Variants in SLC30A6 observed in about 807,000 individuals in gnomAD.
SLC30A6 encodes solute carrier family 30 member 6, also known as zinc transporter 6.
Under a neutral mutation model 63.0 loss-of-function variants are expected in SLC30A6, and 55 were observed. The ratio of observed to expected loss-of-function variants is 0.87; its 90% CI spans 0.70 to 1.09. The LOEUF is 1.09. SLC30A6 is among the 50% of genes least tolerant of loss of function. The pLI is 0.00. For missense variants in SLC30A6, 587 were observed against 549.2 expected (o/e 1.07, Z -0.69); for synonymous variants, 224 against 186.1 (o/e 1.20, Z -1.66).
intron 1 of SLC30A6, among the ~76,000 whole-genome samples, chr2:32,166,333 T>C (rs556330612): frequency 6.7e-6 from 1 of 149,264 alleles, no homozygotes; most frequent in South Asian, 2.1e-4. Context: ...AGTAATAGGG[T>C]TTTAGGGCAG....
intron 11 of SLC30A6, among the ~76,000 whole-genome samples, chr2:32,206,159 GT>G (rs1684750677): frequency 6.6e-6 from 1 of 151,850 alleles, no homozygotes; most frequent in African/African-American, 2.4e-5. Flanking sequence ...TAGAAAGGCA[GT>G]TTCCGGCCGG....
chr2:32,202,551 T>G (rs1262330074), intron 10 of SLC30A6: 1 of 352,144 alleles, frequency 2.8e-6, no homozygotes, highest in African/African-American at 2.1e-5. Context: ...CAGGATGGTC[T>G]CAATCTCCTG....
intron 1 of SLC30A6, among the ~76,000 whole-genome samples, chr2:32,166,318 A>G (rs1386177730): frequency 6.8e-6 from 1 of 148,060 alleles, no homozygotes; most frequent in Admixed American, 6.7e-5. Flanking sequence ...AAAAAAAAAA[A>G]GGTTAGTAAT....
intron 4 of SLC30A6, among the ~76,000 whole-genome samples, chr2:32,178,509 A>G (rs1268549513): frequency 6.6e-6 from 1 of 152,088 alleles, no homozygotes; most frequent in Non-Finnish European, 1.5e-5. Flanking sequence ...CTCCATCTCT[A>G]CTAAAATACA....
At chr2:32,202,717 ATAT>A (rs994381362) in intron 10 of SLC30A6, 2 of 686,254 alleles carry the variant, frequency 2.9e-6, no homozygotes, top group African/African-American at 1.8e-5. Flanking sequence ...CAAGTTGAAG[ATAT>A]TATTCATGAA....
intron 13 of SLC30A6, among the ~76,000 whole-genome samples, chr2:32,214,216 T>G (rs1260521851): frequency 6.6e-6 from 1 of 152,122 alleles, no homozygotes. Flanking sequence ...ATTATAGGAA[T>G]GAGGCACCAT....
chr2:32,214,526 G>GT (rs1214046959), intron 13 of SLC30A6: 1 of 151,724 alleles, frequency 6.6e-6, no homozygotes, highest in Non-Finnish European at 1.5e-5. Flanking sequence ...TCTCTGTATC[G>GT]TTCCAATTTG....
At chr2:32,208,283 A>G (rs967923518) in intron 12 of SLC30A6, among the ~76,000 whole-genome samples, 2 of 148,004 alleles carry the variant, frequency 1.4e-5, no homozygotes, top group African/African-American at 5.0e-5. Flanking sequence ...GGCTCCCACC[A>G]CCATGCCTGG....
At chr2:32,182,402 A>G (rs895575664) in intron 4 of SLC30A6, among the ~76,000 whole-genome samples, 2 of 152,328 alleles carry the variant, frequency 1.3e-5, no homozygotes, top group East Asian at 3.9e-4. Context: ...AGCACACTAT[A>G]TGAACCCTGT....
At chr2:32,171,213 C>G (rs1461595288) in intron 1 of SLC30A6, 74 bp from the exon 2 acceptor site, 3 of 1,216,932 alleles carry the variant, frequency 2.5e-6, no homozygotes, top group Non-Finnish European at 3.6e-6. Flanking sequence ...TCATAGGAAC[C>G]ACTATATCAT....
At chr2:32,168,813 C>T (rs1680914813) in intron 1 of SLC30A6, among the ~76,000 whole-genome samples, 1 of 152,098 alleles carries the variant, frequency 6.6e-6, no homozygotes, top group Non-Finnish European at 1.5e-5. Flanking sequence ...TGGAAAGAAA[C>T]AGGCTAAGTC....
At chr2:32,213,333 G>A (rs774883118) in intron 13 of SLC30A6, among the ~76,000 whole-genome samples, 17 of 123,988 alleles carry the variant, frequency 1.4e-4, no homozygotes, top group Non-Finnish European at 2.5e-4. Flanking sequence ...GGGGAGCTTT[G>A]CCTGGTTACT....
intron 10 of SLC30A6, chr2:32,203,219 C>T: frequency 1.8e-6 from 2 of 1,082,450 alleles, no homozygotes; most frequent in Non-Finnish European, 2.9e-6. Flanking sequence ...AGTCTATATC[C>T]ATCGTTCTGG....
chr2:32,181,464 G>C (rs904572097), intron 4 of SLC30A6, among the ~76,000 whole-genome samples: 42 of 151,528 alleles, frequency 2.8e-4, no homozygotes, highest in African/African-American at 9.4e-4. Flanking sequence ...CATTTTTAAG[G>C]GTAAAATTTT....
chr2:32,193,026 G>T, intron 7 of SLC30A6, 73 bp downstream of exon 7: 1 of 992,688 alleles, frequency 1.0e-6, no homozygotes, highest in Non-Finnish European at 1.5e-6. Flanking sequence ...TAAACAGTTG[G>T]CCAATGTCAG....
chr2:32,216,365 A>G (rs1002718494), intron 13 of SLC30A6, among the ~76,000 whole-genome samples: 32 of 151,884 alleles, frequency 2.1e-4, no homozygotes, highest in Admixed American at 1.2e-3. Flanking sequence ...GCGAAATCCT[A>G]TCTCTACTAA....
In SLC30A6 at chr2:32,171,417, C is replaced by T. The variant is rs761771699; in HGVS notation, c.90+44C>T. 3.1e-5 allele frequency: 44 copies of T among 1,422,450 alleles called. No homozygotes were observed. The South Asian group carries it at 5.0e-4, about 16-fold the overall frequency. The allele number at this position is 1,422,450 out of a possible 1,614,324, so 88.1% of individuals were successfully genotyped here. A position where few individuals can be genotyped will look rare whatever the true frequency, so the allele number is the denominator to read the frequency against. On this transcript the variant is annotated intron_variant, in intron 2 of 13. Coordinates refer to ENST00000282587, the MANE Select transcript of SLC30A6 (RefSeq NM_017964.5). ...CCAATTTTAATTATTGCACAAACAA[C>T]ATTATAACATTGAAGAAAGATAATT...
intron 13 of SLC30A6, among the ~76,000 whole-genome samples, chr2:32,211,998 ATTCTC>A (rs1685298018): frequency 2.0e-5 from 3 of 152,128 alleles, no homozygotes; most frequent in South Asian, 2.1e-4. Context: ...TATTTGTTCT[ATTCTC>A]TTTCTTTGGT....
At chr2:32,168,525 A>G (rs1333043610) in intron 1 of SLC30A6, among the ~76,000 whole-genome samples, 1 of 151,916 alleles carries the variant, frequency 6.6e-6, no homozygotes, top group African/African-American at 2.4e-5. Flanking sequence ...AAGCAATGTA[A>G]CAAGTTGAAG....
Sources: gnomAD v4.1 joint callset for allele counts (sites outside exome capture counted in the v4.1 genomes callset) on GRCh38, gnomAD v4.1.1 for gene constraint, MANE v1.5 for transcripts, NCBI Gene and HGNC (gene_info 2026-07-23, HGNC 2026-07-21) for gene names.